AGBL4: variants seen among roughly 807,000 people sequenced by gnomAD.
The protein encoded by AGBL4 is cytosolic carboxypeptidase 6.
Under a neutral mutation model 66.4 loss-of-function variants are expected in AGBL4, and 58 were observed. That is an observed-to-expected ratio of 0.87 (90% confidence interval 0.71 to 1.09). AGBL4 has a LOEUF of 1.09. AGBL4 is among the 50% of genes least tolerant of loss of function. The probability of loss-of-function intolerance (pLI) is 0.00; values close to 1 mark genes in which losing one functional copy is unlikely to be tolerated. For missense variants in AGBL4, 579 were observed against 631.0 expected, an observed-to-expected ratio of 0.92 and a Z score of 0.88; for synonymous variants, 234 against 222.9, an observed-to-expected ratio of 1.05 and a Z score of -0.44.
chr1:49,870,994 G>A (rs545137453), intron 1 of AGBL4, among the ~76,000 whole-genome samples: 1 of 152,200 alleles, frequency 6.6e-6, no homozygotes, highest in Non-Finnish European at 1.5e-5. Flanking sequence ...TTTGTGAGAC[G>A]TGGGGCCAGA....
intron 2 of AGBL4, among the ~76,000 whole-genome samples, chr1:49,709,223 G>C (rs1260265979): frequency 2.6e-5 from 4 of 152,304 alleles, no homozygotes; most frequent in East Asian, 3.9e-4. Context: ...CCCCCGACTG[G>C]GGCTGCTGCC....
chr1:48,790,221 A>C (rs1457132466), intron 6 of AGBL4, among the ~76,000 whole-genome samples: 3 of 152,154 alleles, frequency 2.0e-5, no homozygotes, highest in Non-Finnish European at 4.4e-5. Context: ...TGTGTTTTTA[A>C]CTTTACGAGC....
chr1:49,949,127 T>A (rs1188730847), intron 1 of AGBL4, among the ~76,000 whole-genome samples: 1 of 151,710 alleles, frequency 6.6e-6, no homozygotes, highest in African/African-American at 2.4e-5. Context: ...GCTGGGATAA[T>A]TGGCTAGCCA....
chr1:49,833,738 T>G (rs1645763507), intron 2 of AGBL4, among the ~76,000 whole-genome samples: 1 of 152,152 alleles, frequency 6.6e-6, no homozygotes, highest in African/African-American at 2.4e-5. Flanking sequence ...CCTAGGTATT[T>G]TATTCTCTTT....
At chr1:48,535,017 A>G (rs751417041) in intron 12 of AGBL4, 101 bp from the exon 13 acceptor site, 10 of 1,094,456 alleles carry the variant, frequency 9.1e-6, no homozygotes, top group Non-Finnish European at 1.4e-5. Flanking sequence ...TGTTGTTTTT[A>G]ACACCCAAAC....
intron 6 of AGBL4, among the ~76,000 whole-genome samples, chr1:48,825,916 G>C (rs994006692): frequency 6.6e-6 from 1 of 152,150 alleles, no homozygotes; most frequent in African/African-American, 2.4e-5. Context: ...ATTTAGGGGG[G>C]AAGAAATGAA....
chr1:49,746,585 A>G (rs1273132466), intron 2 of AGBL4, among the ~76,000 whole-genome samples: 3 of 152,068 alleles, frequency 2.0e-5, no homozygotes, highest in Admixed American at 6.6e-5. Context: ...TCTCCCAAGT[A>G]GCACCATGAC....
At chr1:49,541,362 G>A (rs750562089) in intron 3 of AGBL4, among the ~76,000 whole-genome samples, 8 of 152,232 alleles carry the variant, frequency 5.3e-5, no homozygotes, top group East Asian at 1.9e-4. Flanking sequence ...CTGGAGCTGC[G>A]GGCGGTCCTT....
chr1:49,516,099 G>A (rs966760463), intron 3 of AGBL4, among the ~76,000 whole-genome samples: 1 of 151,404 alleles, frequency 6.6e-6, no homozygotes, highest in Non-Finnish European at 1.5e-5. Flanking sequence ...TGGCCCAATG[G>A]AGGGGGTACT....
chr1:49,826,917 C>T (rs958306774), intron 2 of AGBL4, among the ~76,000 whole-genome samples: 5 of 152,014 alleles, frequency 3.3e-5, no homozygotes, highest in Non-Finnish European at 5.9e-5. Context: ...TATACAGCTG[C>T]AGATATCATA....
intron 5 of AGBL4, among the ~76,000 whole-genome samples, chr1:48,975,328 G>C (rs1321320284): frequency 6.6e-6 from 1 of 152,104 alleles, no homozygotes; most frequent in Admixed American, 6.6e-5. Context: ...CCCACAGAAA[G>C]AGAAGACTGT....
chr1:49,700,513 T>C (rs753555100), intron 2 of AGBL4, among the ~76,000 whole-genome samples: 46 of 152,082 alleles, frequency 3.0e-4, no homozygotes, highest in Non-Finnish European at 5.9e-4. Flanking sequence ...TAAAAATACC[T>C]AGTTTTAATT....
intron 1 of AGBL4, among the ~76,000 whole-genome samples, chr1:49,940,891 T>G (rs967736806): frequency 1.3e-5 from 2 of 152,048 alleles, no homozygotes; most frequent in African/African-American, 2.4e-5. Context: ...AAACTAAGTG[T>G]TGAATTTTTG....
At chr1:49,329,957 C>T (rs893073411) in intron 3 of AGBL4, among the ~76,000 whole-genome samples, 1 of 152,180 alleles carries the variant, frequency 6.6e-6, no homozygotes, top group Non-Finnish European at 1.5e-5. Context: ...ATCTGCAGTG[C>T]TCTGCTCCAT....
chr1:49,829,621 C>A lies in AGBL4; in HGVS notation c.157+21775G>T, dbSNP rs190661765. ...AAAATCATCTCACACATAATTAAAT[C>A]TTATTATTATTATAATTTAAGTTCC... is the stretch of plus-strand genomic sequence containing the variant. On this transcript the variant is annotated intron_variant, in intron 2 of 13. Coordinates refer to ENST00000371839, the MANE Select transcript of AGBL4 (RefSeq NM_032785.4). Among the ~76,000 whole-genome samples the A allele has an allele frequency of 3.9e-5, 6 of 152,116 alleles. No individual in the cohort carries two copies. The East Asian group carries it at 1.2e-3, about 29-fold the overall frequency.
chr1:48,659,766 A>G (rs1646077711), intron 7 of AGBL4, among the ~76,000 whole-genome samples: 1 of 152,226 alleles, frequency 6.6e-6, no homozygotes, highest in Non-Finnish European at 1.5e-5. Flanking sequence ...CCAGGTACAA[A>G]GTGCCTCATG....
chr1:49,653,433 G>A (rs555096258), intron 3 of AGBL4, among the ~76,000 whole-genome samples: 2 of 151,994 alleles, frequency 1.3e-5, no homozygotes, highest in East Asian at 3.9e-4. Flanking sequence ...ATCACAACAC[G>A]TCTCCAGCAA....
At chr1:49,448,877 G>A (rs2787692) in intron 3 of AGBL4, among the ~76,000 whole-genome samples, 7,389 of 150,862 alleles carry the variant, frequency 0.049, 570 homozygotes, top group African/African-American at 0.16. Context: ...ACTTAAATTC[G>A]GGTAATTTTA....
intron 3 of AGBL4, among the ~76,000 whole-genome samples, chr1:49,682,335 T>G (rs1238492814): frequency 6.6e-6 from 1 of 151,878 alleles, no homozygotes; most frequent in Non-Finnish European, 1.5e-5. Context: ...ATCTGGGAGG[T>G]GGAGGTTGCA....
Sources: gnomAD v4.1 joint callset for allele counts (sites outside exome capture counted in the v4.1 genomes callset) on GRCh38, gnomAD v4.1.1 for gene constraint, MANE v1.5 for transcripts, NCBI Gene and HGNC (gene_info 2026-07-23, HGNC 2026-07-21) for gene names.